Variants in LDLRAD4 observed in about 807,000 individuals in gnomAD.
LDLRAD4 encodes low-density lipoprotein receptor class A domain-containing protein 4.
LDLRAD4 carries 5 observed loss-of-function variants against 17.0 expected under a neutral mutation model. That is an observed-to-expected ratio of 0.29 (90% CI 0.15 to 0.62). The LOEUF is 0.62. Ranked by LOEUF, LDLRAD4 falls within the 20% of genes least tolerant of loss-of-function variation. LDLRAD4 has a pLI of 0.84. For missense variants in LDLRAD4, 340 were observed against 424.7 expected (o/e 0.80, Z 1.75); for synonymous variants, 168 against 171.8 (o/e 0.98, Z 0.17).
chr18:13,235,593 C>A (rs1261258615), intron 1 of LDLRAD4, among the ~76,000 whole-genome samples: 2 of 152,248 alleles, frequency 1.3e-5, no homozygotes, highest in Non-Finnish European at 2.9e-5. Context: ...AACTGAAAAA[C>A]CCCCCACATT....
At chr18:13,260,791 A>G (rs2043776325) in intron 1 of LDLRAD4, among the ~76,000 whole-genome samples, 1 of 152,192 alleles carries the variant, frequency 6.6e-6, no homozygotes, top group South Asian at 2.1e-4. Flanking sequence ...GGTGACTACC[A>G]TGGTGTGGCA....
At chr18:13,298,349 A>AGGCACAGTGGTGGAGCTGCTCTG (rs2046385786) in intron 1 of LDLRAD4, among the ~76,000 whole-genome samples, 1 of 108,978 alleles carries the variant, frequency 9.2e-6, no homozygotes. Flanking sequence ...GACCTGCTCT[A>AGGCACAGTGGTGGAGCTGCTCTG]GGCACAGTGG....
At chr18:13,332,547 G>T (rs2081917329) in intron 1 of LDLRAD4, among the ~76,000 whole-genome samples, 1 of 152,126 alleles carries the variant, frequency 6.6e-6, no homozygotes. Flanking sequence ...AATCCTCTGT[G>T]CCTCACCTGT....
chr18:13,613,237 T>C (rs1461429217), intron 3 of LDLRAD4: 1 of 153,896 alleles, frequency 6.5e-6, no homozygotes, highest in African/African-American at 2.4e-5. Context: ...CAGGAGCTAT[T>C]AGGAAGGAGA....
At chr18:13,625,437 A>G (rs1164561238) in intron 4 of LDLRAD4, among the ~76,000 whole-genome samples, 1 of 152,096 alleles carries the variant, frequency 6.6e-6, no homozygotes, top group African/African-American at 2.4e-5. Context: ...CCCTGCTATG[A>G]GCGGCCCCTC....
At chr18:13,287,726 A>T (rs927781284) in intron 1 of LDLRAD4, among the ~76,000 whole-genome samples, 2 of 152,214 alleles carry the variant, frequency 1.3e-5, no homozygotes, top group Non-Finnish European at 2.9e-5. Context: ...TATTATGAGG[A>T]TTGGATTTAG....
chr18:13,602,493 A>ATTT (rs36122294), intron 3 of LDLRAD4, among the ~76,000 whole-genome samples: 4 of 94,996 alleles, frequency 4.2e-5, no homozygotes, highest in Non-Finnish European at 4.3e-5. Flanking sequence ...ATGGCATTTA[A>ATTT]TTTTTTTTTT....
chr18:13,271,574 A>G (rs1172164306), intron 1 of LDLRAD4, among the ~76,000 whole-genome samples: 1 of 152,214 alleles, frequency 6.6e-6, no homozygotes, highest in East Asian at 1.9e-4. Context: ...AGCATCTGAC[A>G]CAGGGCCTGG....
chr18:13,545,599 A>C (rs534585449), intron 3 of LDLRAD4, among the ~76,000 whole-genome samples: 92 of 152,178 alleles, frequency 6.0e-4, no homozygotes, highest in African/African-American at 2.1e-3. Flanking sequence ...TTACTCTTCC[A>C]CACACACACC....
At chr18:13,377,864 T>C (rs2085041597) in intron 1 of LDLRAD4, among the ~76,000 whole-genome samples, 1 of 152,226 alleles carries the variant, frequency 6.6e-6, no homozygotes. Flanking sequence ...AGAAAAGTCT[T>C]ACTGGAGCAT....
At chr18:13,457,718 G>A (rs1050087848) in intron 3 of LDLRAD4, among the ~76,000 whole-genome samples, 6 of 152,084 alleles carry the variant, frequency 3.9e-5, no homozygotes, top group African/African-American at 9.7e-5. Context: ...ACTTCTCCCC[G>A]TGGTTCACAG....
At chr18:13,421,621 C>T (rs1217999938) in intron 2 of LDLRAD4, among the ~76,000 whole-genome samples, 2 of 152,198 alleles carry the variant, frequency 1.3e-5, no homozygotes, top group East Asian at 1.9e-4. Context: ...CTTCACGCGT[C>T]AGAAGGCACC....
At chr18:13,543,269 GTCTTGAGCTCCTGT>G in intron 3 of LDLRAD4, 1 of 152,342 alleles carries the variant, frequency 6.6e-6, no homozygotes, top group African/African-American at 2.4e-5. Context: ...GGAACTAGAG[GTCTTGAGCTCCTGT>G]TCCTAAAATC....
chr18:13,564,021 C>T (rs1195139502), intron 3 of LDLRAD4, among the ~76,000 whole-genome samples: 1 of 152,152 alleles, frequency 6.6e-6, no homozygotes, highest in Non-Finnish European at 1.5e-5. Flanking sequence ...TCCTCCCAAC[C>T]CAGCCTCCCA....
intron 3 of LDLRAD4, among the ~76,000 whole-genome samples, chr18:13,450,910 C>T (rs2091793424): frequency 6.6e-6 from 1 of 152,192 alleles, no homozygotes; most frequent in East Asian, 1.9e-4. Flanking sequence ...TGAGGAGCAC[C>T]ACTAGAAAGG....
intron 2 of LDLRAD4, among the ~76,000 whole-genome samples, chr18:13,401,055 G>C (rs145336096): frequency 1.3e-5 from 2 of 152,196 alleles, no homozygotes; most frequent in Non-Finnish European, 2.9e-5. Context: ...GGGAATGGCC[G>C]TTGCTGATAG....
At chr18:13,313,964 CATT>C (rs1399720281) in intron 1 of LDLRAD4, among the ~76,000 whole-genome samples, 2 of 152,078 alleles carry the variant, frequency 1.3e-5, no homozygotes, top group Non-Finnish European at 2.9e-5. Context: ...TAGAAGAAAG[CATT>C]ATTATTTTAT....
intron 3 of LDLRAD4, among the ~76,000 whole-genome samples, chr18:13,555,081 T>G (rs2094471229): frequency 1.3e-5 from 2 of 152,152 alleles, no homozygotes; most frequent in South Asian, 4.1e-4. Flanking sequence ...AATACCTGAT[T>G]GTTATTCCTC....
intron 4 of LDLRAD4, among the ~76,000 whole-genome samples, chr18:13,632,045 T>G (rs1292578947): frequency 1.3e-5 from 2 of 152,220 alleles, no homozygotes; most frequent in African/African-American, 4.8e-5. Context: ...TGAAATTCAG[T>G]CAGTGTCATA....
Sources: allele counts gnomAD v4.1 joint callset (sites outside exome capture counted in the v4.1 genomes callset), GRCh38; gene constraint gnomAD v4.1.1; transcripts MANE v1.5; gene names NCBI Gene and HGNC (gene_info 2026-07-23, HGNC 2026-07-21).